HSPA4: variants seen among roughly 807,000 people sequenced by gnomAD.
The protein encoded by HSPA4 is heat shock protein family A (Hsp70) member 4, also known as heat shock 70 kDa protein 4.
In HSPA4, 25 loss-of-function variants were observed where a neutral mutation model predicts 106.2. The observed-to-expected ratio is 0.24, with a 90% CI of 0.17 to 0.33. The LOEUF (loss-of-function observed/expected upper bound fraction) is 0.33. HSPA4 is among the 10% of genes least tolerant of loss of function. The pLI is 1.00. For synonymous variants in HSPA4, 332 were observed against 333.6 expected (o/e 1.00, Z 0.05); for missense variants, 841 against 996.0 (o/e 0.84, Z 2.10).
intron 14 of HSPA4, among the ~76,000 whole-genome samples, 193 bp from the exon 15 acceptor site, chr5:133,096,968 T>A (rs925689482): frequency 1.3e-5 from 2 of 152,242 alleles, no homozygotes; most frequent in Admixed American, 6.5e-5. Flanking sequence ...TTCTTTTTTT[T>A]AATCCCACCT....
chr5:133,103,481 T>C (rs1765815879), intron 17 of HSPA4, among the ~76,000 whole-genome samples: 1 of 152,084 alleles, frequency 6.6e-6, no homozygotes, highest in Non-Finnish European at 1.5e-5. Flanking sequence ...TCAAAGGCCT[T>C]CTTTTAAAAA....
intron 14 of HSPA4, among the ~76,000 whole-genome samples, chr5:133,096,470 CTG>C (rs771741170): frequency 1.3e-5 from 2 of 152,120 alleles, no homozygotes; most frequent in East Asian, 3.8e-4. Flanking sequence ...GCTAGAAGCT[CTG>C]TTATGAAAAT....
At chr5:133,080,935 T>A (rs1312299191) in intron 7 of HSPA4, among the ~76,000 whole-genome samples, 1 of 152,214 alleles carries the variant, frequency 6.6e-6, no homozygotes, top group African/African-American at 2.4e-5. Context: ...CACTATTTAA[T>A]TCTAGAATGT....
intron 1 of HSPA4, among the ~76,000 whole-genome samples, chr5:133,053,330 T>TC (rs1765107533): frequency 7.3e-6 from 1 of 136,686 alleles, no homozygotes; most frequent in Non-Finnish European, 1.6e-5. Context: ...TCTCTCTTCT[T>TC]TTTTTTTTTT....
chr5:133,070,354 C>T lies in HSPA4; in HGVS notation c.307-20C>T, dbSNP rs377221727. 3 of 1,605,164 alleles carry T rather than the reference C, an allele frequency of 1.9e-6. No individual in the cohort carries two copies. Among genetic ancestry groups the T allele is most frequent in the Middle Eastern group, 1.7e-4 (1 of 6,024 alleles). On this transcript the variant is annotated intron_variant, in intron 3 of 18. Coordinates refer to ENST00000304858, the MANE Select transcript of HSPA4 (RefSeq NM_002154.4). Reference sequence around the variant, plus strand: ...GAAAGAAATATAATAAGTCTAGGCCCCTTTGTTGTTTTCTTGCAGGTGACA... The same window carrying T: ...GAAAGAAATATAATAAGTCTAGGCCTCTTTGTTGTTTTCTTGCAGGTGACA...
chr5:133,063,931 T>C (rs770126349), intron 1 of HSPA4, among the ~76,000 whole-genome samples: 2 of 151,676 alleles, frequency 1.3e-5, no homozygotes, highest in Non-Finnish European at 2.9e-5. Flanking sequence ...CCAGCTACTT[T>C]TTGTATTTTT....
At chr5:133,102,911 G>A (rs1158847240) in intron 17 of HSPA4, among the ~76,000 whole-genome samples, 1 of 48,904 alleles carries the variant, frequency 2.0e-5, no homozygotes, top group Non-Finnish European at 4.1e-5. Context: ...AACTAGGGTT[G>A]TCTTTTTTTT....
Position 133,105,647 on chromosome 5 carries a change from C to T in HSPA4, c.*1211C>T, listed in dbSNP as rs1034860794. ...TGTTTGAGGCCAGAGTTGGTACCTG[C>T]TTTAAGAAACTGTTACAGGGCTTGT... On this transcript the variant is annotated 3_prime_UTR_variant, in exon 19 of 19. Transcript: ENST00000304858. The T allele has an allele frequency of 2.0e-5, 3 of 152,128 alleles. No homozygotes were observed. The highest frequency in any genetic ancestry group is 7.2e-5 in the African/African-American group (3 of 41,416). The allele number at this position is 152,128 out of a possible 1,614,324, so 9.4% of individuals were successfully genotyped here. A position where few individuals can be genotyped will look rare whatever the true frequency, so the allele number is the denominator to read the frequency against.
chr5:133,073,721 G>A (rs2126702328), intron 5 of HSPA4, among the ~76,000 whole-genome samples: 1 of 152,250 alleles, frequency 6.6e-6, no homozygotes, highest in Non-Finnish European at 1.5e-5. Context: ...AAAGATCCAG[G>A]AAAATATATT....
rs868038693 is a variant in HSPA4 at position 133,091,176 on chromosome 5, C to T, written c.1379-17C>T. 1.7e-5 allele frequency: 27 copies of T among 1,606,248 alleles called. 2 individuals carry two copies. The Middle Eastern group carries it at 4.5e-3, about 266-fold the overall frequency. On this transcript the variant is annotated splice_polypyrimidine_tract_variant and intron_variant, in intron 11 of 18. Transcript: ENST00000304858. ...CCTCTTAGGTTATGTGTTCTTTTGT[C>T]TCTCGTATGTCCCTAGCTCAGTTTT... is the stretch of plus-strand genomic sequence containing the variant.
intron 3 of HSPA4, among the ~76,000 whole-genome samples, chr5:133,067,892 GTTT>G (rs1231361695): frequency 1.5e-5 from 2 of 134,748 alleles, no homozygotes; most frequent in Admixed American, 7.6e-5. Context: ...AGCAATCACA[GTTT>G]TTTTTTTTTT....
rs559532923 is a variant in HSPA4, at chr5:133,086,051, AAAAG to A, written c.909-725_909-722del. ...AACATCTAAAAATGTGTATTAATATAAAAGAAAGAGACATGGTTGTGCATGCCTG... is the reference window on the plus strand; with the variant it reads ...AACATCTAAAAATGTGTATTAATATAAAAGAGACATGGTTGTGCATGCCTG... On this transcript the variant is annotated intron_variant, in intron 7 of 18. Transcript: ENST00000304858. Among the ~76,000 whole-genome samples, 359 of 152,260 alleles carry A rather than the reference AAAAG, an allele frequency of 2.4e-3. 3 individuals carry two copies. Among genetic ancestry groups the A allele is most frequent in the South Asian group, 0.014 (66 of 4,814 alleles).
chr5:133,090,421 ACT>A (rs1458175400), intron 11 of HSPA4, among the ~76,000 whole-genome samples: 6 of 117,112 alleles, frequency 5.1e-5, no homozygotes, highest in East Asian at 2.7e-4. Context: ...ACAGAGCGAG[ACT>A]CTGTCTCAAA....
In HSPA4 at chr5:133,086,731, T is replaced by C. The variant is rs375065200; in HGVS notation, c.909-51T>C. On this transcript the variant is annotated intron_variant, in intron 7 of 18. Coordinates refer to ENST00000304858, the MANE Select transcript of HSPA4 (RefSeq NM_002154.4). ...TATAGCCATCCATTCCACATAAAAG[T>C]GGCATGTGATTTAATGTACTGTGTT... 17 of 1,266,826 alleles carry C rather than the reference T, an allele frequency of 1.3e-5. No homozygotes were observed. The African/African-American group carries it at 2.4e-4, about 18-fold the overall frequency. The allele number at this position is 1,266,826 out of a possible 1,614,324, so 78.5% of individuals were successfully genotyped here.
At position 133,076,998 on chromosome 5, in the gene HSPA4, A is replaced by G. The variant is rs539438694; in HGVS notation, c.908+100A>G. On this transcript the variant is annotated intron_variant, in intron 7 of 18. Transcript: ENST00000304858. Reference sequence around the variant, plus strand: ...TTGTTAAAATAATCACGGAGGTTATATGATAATTTTGGTTCTATTTTAAAA... The same window carrying G: ...TTGTTAAAATAATCACGGAGGTTATGTGATAATTTTGGTTCTATTTTAAAA... 1.3e-5 allele frequency: 15 copies of G among 1,116,890 alleles called. No homozygotes were observed. In the African/African-American group the frequency reaches 2.0e-4, roughly 15 times the overall value. The allele number at this position is 1,116,890 out of a possible 1,614,324, so 69.2% of individuals were successfully genotyped here.
chr5:133,074,742 G>C (rs1581471132), intron 6 of HSPA4, among the ~76,000 whole-genome samples: 4 of 152,300 alleles, frequency 2.6e-5, no homozygotes, highest in Admixed American at 2.6e-4. Flanking sequence ...TTTCTAGAAA[G>C]CCTAAAGTTT....
At chr5:133,070,294 A>G in intron 3 of HSPA4, 80 bp from the exon 4 acceptor site, 1 of 1,354,036 alleles carries the variant, frequency 7.4e-7, no homozygotes, top group Non-Finnish European at 1.0e-6. Flanking sequence ...AATGGGAAGC[A>G]TTGTTCATTT....
chr5:133,085,972 G>C (rs554782972), intron 7 of HSPA4, among the ~76,000 whole-genome samples: 1 of 152,338 alleles, frequency 6.6e-6, no homozygotes, highest in East Asian at 1.9e-4. Flanking sequence ...TGGGCTGGGA[G>C]TGAGGAGGGG....
rs1581485180 is a variant in HSPA4 at position 133,105,617 on chromosome 5, G to T, written c.*1181G>T. Reference sequence around the variant, plus strand: ...AGGCATTTTGGAAACTCCAAGGGAAGCCTGTGTTTGAGGCCAGAGTTGGTA... The same window carrying T: ...AGGCATTTTGGAAACTCCAAGGGAATCCTGTGTTTGAGGCCAGAGTTGGTA... On this transcript the variant is annotated 3_prime_UTR_variant, in exon 19 of 19. Transcript: ENST00000304858. 6.6e-6 allele frequency: 1 copy of T among 152,198 alleles called. No individual in the cohort carries two copies. Among genetic ancestry groups the T allele is most frequent in the Non-Finnish European group, 1.5e-5 (1 of 68,036 alleles). 9.4% of individuals were successfully genotyped at this position (152,198 alleles called of 1,614,324 possible). A position where few individuals can be genotyped will look rare whatever the true frequency, so the allele number is the denominator to read the frequency against.
Sources: gnomAD v4.1 joint callset for allele counts (sites outside exome capture counted in the v4.1 genomes callset) on GRCh38, gnomAD v4.1.1 for gene constraint, MANE v1.5 for transcripts, NCBI Gene and HGNC (gene_info 2026-07-23, HGNC 2026-07-21) for gene names.